The following TBCA variants were observed in gnomAD, a reference collection of about 807,000 sequenced individuals.
TBCA encodes tubulin-specific chaperone A.
In TBCA, 6 loss-of-function variants were observed where a neutral mutation model predicts 15.8. The ratio of observed to expected loss-of-function variants is 0.38; its 90% confidence interval spans 0.21 to 0.75. The LOEUF is 0.75. Ranked by LOEUF, TBCA falls within the 30% of genes least tolerant of loss-of-function variation. TBCA has a pLI of 0.46. For synonymous variants in TBCA, 32 were observed against 42.3 expected (o/e 0.76, Z 0.94); for missense variants, 90 against 131.2 (o/e 0.69, Z 1.53).
chr5:77,756,304 C>A (rs1457722441), intron 1 of TBCA, among the ~76,000 whole-genome samples: 1 of 151,840 alleles, frequency 6.6e-6, no homozygotes, highest in East Asian at 1.9e-4. Flanking sequence ...ATTTCCTAGA[C>A]AAGCCTTTTT....
chr5:77,741,116 T>C (rs911906404), intron 1 of TBCA, among the ~76,000 whole-genome samples: 2 of 152,166 alleles, frequency 1.3e-5, no homozygotes, highest in Admixed American at 6.5e-5. Flanking sequence ...TTATGGGTGA[T>C]CTTTTTTACT....
intron 1 of TBCA, among the ~76,000 whole-genome samples, chr5:77,767,750 C>A (rs1580139812): frequency 6.6e-6 from 1 of 152,198 alleles, no homozygotes; most frequent in Non-Finnish European, 1.5e-5. Context: ...AAGCCAAGTT[C>A]CAGGGTCTCT....
At chr5:77,732,433 C>T (rs1317037181) in intron 1 of TBCA, among the ~76,000 whole-genome samples, 1 of 151,722 alleles carries the variant, frequency 6.6e-6, no homozygotes, top group Non-Finnish European at 1.5e-5. Flanking sequence ...CGCCTGTAGG[C>T]CCAGCTACTC....
At chr5:77,751,300 T>C (rs1464570765) in intron 1 of TBCA, among the ~76,000 whole-genome samples, 1 of 151,830 alleles carries the variant, frequency 6.6e-6, no homozygotes, top group Non-Finnish European at 1.5e-5. Context: ...TAGCTGGGAT[T>C]ATAGGCGCCC....
At chr5:77,739,814 A>G (rs767172221) in intron 1 of TBCA, among the ~76,000 whole-genome samples, 1 of 152,228 alleles carries the variant, frequency 6.6e-6, no homozygotes, top group African/African-American at 2.4e-5. Context: ...AAGGAATTCC[A>G]CAACTAGAAA....
At chr5:77,748,780 A>G (rs1452491597) in intron 1 of TBCA, among the ~76,000 whole-genome samples, 1 of 152,238 alleles carries the variant, frequency 6.6e-6, no homozygotes, top group African/African-American at 2.4e-5. Flanking sequence ...AAGCCTTACC[A>G]ATAACATAAA....
chr5:77,752,624 T>C (rs13173441), intron 1 of TBCA, among the ~76,000 whole-genome samples: 18,599 of 74,338 alleles, frequency 0.25, 5,890 homozygotes, highest in Non-Finnish European at 0.3. Flanking sequence ...AGTGGCGCAA[T>C]CTCGGCTCAC....
chr5:77,740,404 T>C (rs141503288), intron 1 of TBCA, among the ~76,000 whole-genome samples: 6 of 152,176 alleles, frequency 3.9e-5, no homozygotes, highest in African/African-American at 1.4e-4. Flanking sequence ...AGGAGAGAGA[T>C]GGTGGTGACC....
chr5:77,760,130 C>T (rs1747576155), intron 1 of TBCA, among the ~76,000 whole-genome samples: 1 of 152,158 alleles, frequency 6.6e-6, no homozygotes, highest in Non-Finnish European at 1.5e-5. Context: ...GAAGAAAAGA[C>T]AGCATTTGAT....
chr5:77,775,575 G>T (rs1255931141), intron 1 of TBCA, among the ~76,000 whole-genome samples: 1 of 152,212 alleles, frequency 6.6e-6, no homozygotes. Context: ...TGGTTCACAA[G>T]TTATTTAAAC....
At chr5:77,744,429 C>T (rs1747127856) in intron 1 of TBCA, among the ~76,000 whole-genome samples, 1 of 151,792 alleles carries the variant, frequency 6.6e-6, no homozygotes, top group African/African-American at 2.4e-5. Context: ...TGAAAAACTG[C>T]CATAGAGGAA....
intron 1 of TBCA, among the ~76,000 whole-genome samples, chr5:77,748,220 C>A (rs1028986612): frequency 3.9e-5 from 6 of 152,098 alleles, no homozygotes; most frequent in Non-Finnish European, 8.8e-5. Flanking sequence ...ACAAAAAAGC[C>A]ATTCTGAGGA....
intron 1 of TBCA, among the ~76,000 whole-genome samples, chr5:77,727,599 A>C (rs189833034): frequency 2.6e-4 from 40 of 152,342 alleles, no homozygotes; most frequent in Admixed American, 1.8e-3. Context: ...TTACATTTAT[A>C]GATAAGCTAC....
chr5:77,693,397 G>A, intron 2 of TBCA, 45 bp from the exon 3 acceptor site: 1 of 1,586,556 alleles, frequency 6.3e-7, no homozygotes, highest in Non-Finnish European at 8.6e-7. Flanking sequence ...GGCAGAACTT[G>A]TAGGTGTTTA....
intron 1 of TBCA, among the ~76,000 whole-genome samples, chr5:77,772,022 GAA>G (rs138113299): frequency 1.3e-5 from 2 of 150,290 alleles, no homozygotes; most frequent in East Asian, 3.9e-4. Context: ...CGTCTAACCA[GAA>G]AAAGAGTGTC....
intron 1 of TBCA, among the ~76,000 whole-genome samples, chr5:77,708,813 C>T (rs1050118034): frequency 2.0e-5 from 3 of 152,094 alleles, no homozygotes; most frequent in Non-Finnish European, 4.4e-5. Context: ...TTGTGATCCA[C>T]CAGCCTCGGC....
intron 1 of TBCA, among the ~76,000 whole-genome samples, chr5:77,745,309 T>C (rs1187994885): frequency 1.3e-5 from 2 of 152,248 alleles, no homozygotes; most frequent in Non-Finnish European, 2.9e-5. Context: ...TTTCAGTATT[T>C]TTCTCATCAC....
intron 1 of TBCA, among the ~76,000 whole-genome samples, chr5:77,759,350 G>T (rs1747551187): frequency 6.6e-6 from 1 of 152,196 alleles, no homozygotes; most frequent in Non-Finnish European, 1.5e-5. Flanking sequence ...AGACTTCAGA[G>T]AAAATAGATT....
At chr5:77,743,071 T>A (rs1747089114) in intron 1 of TBCA, among the ~76,000 whole-genome samples, 1 of 152,182 alleles carries the variant, frequency 6.6e-6, no homozygotes, top group African/African-American at 2.4e-5. Context: ...AAATTCTTAA[T>A]ATGACTAAAA....
Sources: allele counts gnomAD v4.1 joint callset (sites outside exome capture counted in the v4.1 genomes callset), GRCh38; gene constraint gnomAD v4.1.1; transcripts MANE v1.5; gene names NCBI Gene and HGNC (gene_info 2026-07-23, HGNC 2026-07-21).